KCNJ12: variants seen among roughly 807,000 people sequenced by gnomAD.
KCNJ12 encodes the protein potassium inwardly rectifying channel subfamily J member 12.
Under a neutral mutation model 22.3 loss-of-function variants are expected in KCNJ12, and 2 were observed. That is an observed-to-expected ratio of 0.09 (90% CI 0.04 to 0.28). KCNJ12 has a LOEUF of 0.28. Among genes scored for constraint, KCNJ12 ranks in the 10% least tolerant of loss-of-function variants. The pLI, the probability that KCNJ12 is intolerant of heterozygous loss-of-function variation, is 1.00. For synonymous variants in KCNJ12, 117 were observed against 261.4 expected (o/e 0.45, Z 5.33); for missense variants, 155 against 633.3 (o/e 0.24, Z 8.11).
At chr17:21,394,120 T>G (rs1257254957) in intron 1 of KCNJ12, among the ~76,000 whole-genome samples, 1 of 152,206 alleles carries the variant, frequency 6.6e-6, no homozygotes, top group Non-Finnish European at 1.5e-5. Flanking sequence ...CGTGGGGATC[T>G]CGTCACGTGT....
chr17:21,393,041 C>T (rs1019779600), intron 1 of KCNJ12, among the ~76,000 whole-genome samples: 9 of 152,150 alleles, frequency 5.9e-5, no homozygotes, highest in East Asian at 1.9e-4. Context: ...GGGGAGGGGC[C>T]GAGGCTGTTC....
chr17:21,385,288 T>A (rs1302203443), intron 1 of KCNJ12, among the ~76,000 whole-genome samples: 1 of 152,214 alleles, frequency 6.6e-6, no homozygotes, highest in African/African-American at 2.4e-5. Context: ...GGATCAGATA[T>A]ACCTGGTGCC....
chr17:21,401,140 G>A (rs1345942106), intron 1 of KCNJ12, among the ~76,000 whole-genome samples: 121 of 152,368 alleles, frequency 7.9e-4, no homozygotes, highest in African/African-American at 2.4e-3. Context: ...TGCAAAGCCT[G>A]CCCCTGCTTT....
chr17:21,400,223 G>A (rs2142061091), intron 1 of KCNJ12, among the ~76,000 whole-genome samples: 1 of 152,354 alleles, frequency 6.6e-6, no homozygotes, highest in South Asian at 2.1e-4. Context: ...CTGGGGGTGG[G>A]GAGCAAGCTC....
chr17:21,382,571 T>C (rs1353415162), intron 1 of KCNJ12, among the ~76,000 whole-genome samples: 1 of 152,312 alleles, frequency 6.6e-6, no homozygotes, highest in Non-Finnish European at 1.5e-5. Flanking sequence ...CTCCAGCGGC[T>C]TTAGTGGCCA....
chr17:21,395,536 G>A (rs782121205), intron 1 of KCNJ12, among the ~76,000 whole-genome samples: 11 of 109,638 alleles, frequency 1.0e-4, no homozygotes, highest in South Asian at 3.2e-4. Context: ...AGCCGAGATC[G>A]CACCACTACA....
rs1201154962 is a variant in KCNJ12, at chr17:21,376,693, C to G, written c.-399C>G. 6.6e-6 allele frequency: 1 copy of G among 151,610 alleles called. No homozygotes were observed. Among genetic ancestry groups the G allele is most frequent in the Non-Finnish European group, 1.5e-5 (1 of 67,878 alleles). The allele number at this position is 151,610 out of a possible 1,614,324, so 9.4% of individuals were successfully genotyped here. On this transcript the variant is annotated 5_prime_UTR_variant, in exon 1 of 3. Coordinates refer to ENST00000583088, the MANE Select transcript of KCNJ12 (RefSeq NM_021012.5). This position sits in a 1 kb window ranked among gnomAD's most constrained non-coding sequence, Gnocchi z 5.3. Reference sequence around the variant, plus strand: ...CCGGCCCAAGCGAGCGCCCAGCGGCCGGGGGCGCCGTCCAGGCGCGCGCCC... The same window carrying G: ...CCGGCCCAAGCGAGCGCCCAGCGGCGGGGGGCGCCGTCCAGGCGCGCGCCC...
chr17:21,407,714 C>T (rs1172310599), intron 1 of KCNJ12, among the ~76,000 whole-genome samples: 1 of 152,078 alleles, frequency 6.6e-6, no homozygotes, highest in African/African-American at 2.4e-5. Context: ...TACTTTCACA[C>T]TTATCCATCC....
intron 1 of KCNJ12, among the ~76,000 whole-genome samples, chr17:21,403,713 G>A (rs1905765935): frequency 6.6e-6 from 1 of 152,108 alleles, no homozygotes. Context: ...GATGAAGGGA[G>A]AGGGTGGGAG....
chr17:21,380,652 A>G (rs1904832166), intron 1 of KCNJ12, among the ~76,000 whole-genome samples: 1 of 150,286 alleles, frequency 6.7e-6, no homozygotes, highest in Non-Finnish European at 1.5e-5. Context: ...ACGTGTGGAG[A>G]GGGGGATCTG....
rs1451141335 is a variant in KCNJ12, at chr17:21,419,142, T to C, written c.*2498T>C. On this transcript the variant is annotated 3_prime_UTR_variant, in exon 3 of 3. Transcript: ENST00000583088. Reference sequence around the variant, plus strand: ...ACTTGAAGCGGGAGGGCGGATGGGATGAGCCAGGAGCGAGGAAGACTTGGC... The same window carrying C: ...ACTTGAAGCGGGAGGGCGGATGGGACGAGCCAGGAGCGAGGAAGACTTGGC... The C allele has an allele frequency of 6.0e-6, 1 of 166,900 alleles. No individual in the cohort carries two copies. Among genetic ancestry groups the C allele is most frequent in the Non-Finnish European group, 1.5e-5 (1 of 68,124 alleles). The allele number at this position is 166,900 out of a possible 1,614,324, so 10.3% of individuals were successfully genotyped here.
intron 1 of KCNJ12, among the ~76,000 whole-genome samples, chr17:21,385,454 C>T (rs577901672): frequency 4.4e-4 from 67 of 152,134 alleles, no homozygotes; most frequent in South Asian, 1.4e-3. Context: ...GCTGTGTGGC[C>T]GGAGGCTCGG....
intron 1 of KCNJ12, among the ~76,000 whole-genome samples, chr17:21,381,188 A>T (rs1904854472): frequency 6.6e-6 from 1 of 152,070 alleles, no homozygotes; most frequent in Admixed American, 6.6e-5. Flanking sequence ...GCCCACCTGG[A>T]CTGAGCCCTC....
chr17:21,398,334 G>A (rs974968405), intron 1 of KCNJ12, among the ~76,000 whole-genome samples: 8 of 152,166 alleles, frequency 5.3e-5, no homozygotes, highest in African/African-American at 1.9e-4. Context: ...GGTACCCGAG[G>A]CCCTGCCCAG....
chr17:21,381,096 G>A (rs1904849792), intron 1 of KCNJ12, among the ~76,000 whole-genome samples: 2 of 152,204 alleles, frequency 1.3e-5, no homozygotes, highest in African/African-American at 4.8e-5. Flanking sequence ...GCTGCCCCAG[G>A]GAGCAGTTCC....
intron 1 of KCNJ12, among the ~76,000 whole-genome samples, chr17:21,381,361 T>A (rs4488509): frequency 0.37 from 56,900 of 151,936 alleles, 11,055 homozygotes; most frequent in Non-Finnish European, 0.44. Context: ...TTGAGCACTT[T>A]CTATGTGCCT....
In KCNJ12 at chr17:21,419,840, G is replaced by T. The variant is rs552918742; in HGVS notation, c.*3196G>T. On this transcript the variant is annotated 3_prime_UTR_variant, in exon 3 of 3. Transcript: ENST00000583088. The stretch of plus-strand genomic sequence containing the variant: ...TCTAAAGACGTAGGCGATGAGACTA[G>T]ACCACATTAAATGCATTTTGATCTC... 174 of 167,546 alleles carry T rather than the reference G, an allele frequency of 1.0e-3. No individual in the cohort carries two copies. The highest frequency in any genetic ancestry group is 1.7e-3 in the Non-Finnish European group (114 of 68,266). 10.4% of individuals were successfully genotyped at this position (167,546 alleles called of 1,614,324 possible). A position where few individuals can be genotyped will look rare whatever the true frequency, so the allele number is the denominator to read the frequency against.
rs1030224166 is a variant in KCNJ12, at chr17:21,379,797, G to C, written c.-179+2884G>C. Among the ~76,000 whole-genome samples the C allele has an allele frequency of 4.6e-5, 7 of 152,262 alleles. No homozygotes were observed. The South Asian group carries it at 6.2e-4, about 14-fold the overall frequency. On this transcript the variant is annotated intron_variant, in intron 1 of 2. Transcript: ENST00000583088. The stretch of plus-strand genomic sequence containing the variant: ...AGAGGCACCATGGGGTTGGGGGTGG[G>C]GGGGGGCCTGGCAGAGGCAGGTGGG...
rs571828611 is a variant in KCNJ12, at chr17:21,395,316, G to C, written c.-178-13203G>C. 2.8e-5 allele frequency among the ~76,000 whole-genome samples: 4 copies of C among 142,530 alleles called. No individual in the cohort carries two copies. In the South Asian group the frequency reaches 9.0e-4, roughly 32 times the overall value. The allele number at this position is 142,530 out of a possible 152,430, so 93.5% of individuals were successfully genotyped here. ...AAGAAAAAAAAAAAAAAAAAAAAAC[G>C]GCGCACAGTGACTCATGCCTGTAAT... is the stretch of plus-strand genomic sequence containing the variant. On this transcript the variant is annotated intron_variant, in intron 1 of 2. Coordinates refer to ENST00000583088, the MANE Select transcript of KCNJ12 (RefSeq NM_021012.5).
Sources: allele counts gnomAD v4.1 joint callset (sites outside exome capture counted in the v4.1 genomes callset), GRCh38; gene constraint gnomAD v4.1.1; non-coding constraint Gnocchi (gnomAD v3.1); transcripts MANE v1.5; gene names NCBI Gene and HGNC (gene_info 2026-07-23, HGNC 2026-07-21).